CFAP20DC: variants seen among roughly 807,000 people sequenced by gnomAD.
CFAP20DC encodes the protein CFAP20 domain containing, also known as protein CFAP20DC.
A neutral mutation model predicts 101.7 loss-of-function variants in CFAP20DC; 84 were observed. The observed-to-expected ratio is 0.83, with a 90% CI of 0.69 to 0.99. CFAP20DC has a LOEUF of 0.99. CFAP20DC is among the 50% of genes least tolerant of loss of function. The pLI is 0.00. For missense variants in CFAP20DC, 1,007 were observed against 970.3 expected, an observed-to-expected ratio of 1.04 and a Z score of -0.50; for synonymous variants, 359 against 351.2, an observed-to-expected ratio of 1.02 and a Z score of -0.25.
Position 58,742,578 on chromosome 3 carries a change from G to T in CFAP20DC, c.2333-6C>A. The T allele has an allele frequency of 6.3e-7, 1 of 1,594,284 alleles. No homozygotes were observed. Among genetic ancestry groups the T allele is most frequent in the South Asian group, 1.1e-5 (1 of 87,522 alleles). On this transcript the variant is annotated splice_region_variant and splice_polypyrimidine_tract_variant and intron_variant, in intron 16 of 16. Coordinates refer to ENST00000482387, the MANE Select transcript of CFAP20DC (RefSeq NM_001394063.1). Reference sequence around the variant, plus strand: ...CACACTGAGGTCTTCTTCACCTGTGGGGAAGGGGAACCACAGACACATTAG... The same window carrying T: ...CACACTGAGGTCTTCTTCACCTGTGTGGAAGGGGAACCACAGACACATTAG...
chr3:58,855,551 C>T (rs1354448264), intron 12 of CFAP20DC, among the ~76,000 whole-genome samples: 1 of 152,018 alleles, frequency 6.6e-6, no homozygotes, highest in African/African-American at 2.4e-5. Flanking sequence ...TTTATTGCGG[C>T]ATTATTCACA....
At chr3:58,840,604 C>T (rs894397343) in intron 13 of CFAP20DC, among the ~76,000 whole-genome samples, 2 of 152,174 alleles carry the variant, frequency 1.3e-5, no homozygotes, top group African/African-American at 2.4e-5. Flanking sequence ...GCAGGAAGCA[C>T]ACAACCACAG....
intron 5 of CFAP20DC, among the ~76,000 whole-genome samples, chr3:58,922,257 A>G (rs910111563): frequency 6.6e-6 from 1 of 152,114 alleles, no homozygotes; most frequent in South Asian, 2.1e-4. Flanking sequence ...AATTTGTCCC[A>G]TCTGTTCTTT....
At chr3:59,018,484 A>T (rs2093734777) in intron 4 of CFAP20DC, 3 of 152,146 alleles carry the variant, frequency 2.0e-5, no homozygotes, top group Admixed American at 2.0e-4. Flanking sequence ...AGCTGTAAAC[A>T]TCATAAGCCT....
Position 58,864,010 on chromosome 3 carries a change from T to G in CFAP20DC, c.1259-118A>C. The G allele has an allele frequency of 2.0e-6, 2 of 987,890 alleles. No homozygotes were observed. The highest frequency in any genetic ancestry group is 2.9e-6 in the Non-Finnish European group (2 of 697,288). The allele number at this position is 987,890 out of a possible 1,614,324, so 61.2% of individuals were successfully genotyped here. A position where few individuals can be genotyped will look rare whatever the true frequency, so the allele number is the denominator to read the frequency against. On this transcript the variant is annotated intron_variant, in intron 11 of 16. Coordinates refer to ENST00000482387, the MANE Select transcript of CFAP20DC (RefSeq NM_001394063.1). The surrounding 1 kb of genome is among the most constrained non-coding windows in gnomAD (Gnocchi z 4.7). ...TCTCACTCTGCCGCCTAGGCTGCAGTGCAGTCACGCGATCTCGGCTCACTG... is the reference window on the plus strand; with the variant it reads ...TCTCACTCTGCCGCCTAGGCTGCAGGGCAGTCACGCGATCTCGGCTCACTG...
chr3:58,882,452 G>A lies in CFAP20DC; in HGVS notation c.715+2093C>T, dbSNP rs962084307. On this transcript the variant is annotated intron_variant, in intron 7 of 16. Transcript: ENST00000482387. The surrounding 1 kb of genome is among the most constrained non-coding windows in gnomAD (Gnocchi z 4.2). ...AATTAATTCTTAAAACATTAAGCTA[G>A]AGAATAAAAGCATTTACAATGGCAA... 1.3e-5 allele frequency among the ~76,000 whole-genome samples: 2 copies of A among 152,060 alleles called. No individual in the cohort carries two copies. The highest frequency in any genetic ancestry group is 6.6e-5 in the Admixed American group (1 of 15,258).
chr3:58,769,980 GA>G (rs2070695052), intron 15 of CFAP20DC, among the ~76,000 whole-genome samples: 1 of 152,156 alleles, frequency 6.6e-6, no homozygotes, highest in South Asian at 2.1e-4. Context: ...AGTGCTCTAA[GA>G]AACCACAAGC....
Position 58,963,190 on chromosome 3 carries a change from TTGTGTGTGTGTGTGTGTG to T in CFAP20DC, c.279-25446_279-25429del, listed in dbSNP as rs56234919. 2.4e-3 allele frequency among the ~76,000 whole-genome samples: 285 copies of T among 118,302 alleles called. 2 individuals are homozygous for T. Among genetic ancestry groups the T allele is most frequent in the African/African-American group, 7.3e-3 (243 of 33,080 alleles). 77.6% of individuals were successfully genotyped at this position (118,302 alleles called of 152,430 possible). On this transcript the variant is annotated intron_variant, in intron 4 of 16. Transcript: ENST00000482387. ...ATACTTCTTCTCAAGGTTCAGTAGT[TTGTGTGTGTGTGTGTGTG>T]TGTGTGTGTGTGTGTGTGTGTGTGT...
chr3:59,012,972 A>T (rs1576710432), intron 4 of CFAP20DC, among the ~76,000 whole-genome samples: 1 of 152,340 alleles, frequency 6.6e-6, no homozygotes, highest in African/African-American at 2.4e-5. Flanking sequence ...TCTAAAGTAG[A>T]CACTGTTTTA....
At chr3:58,736,133 T>C (rs2067749478) in intron 3 of CFAP20DC, among the ~76,000 whole-genome samples, 1 of 152,042 alleles carries the variant, frequency 6.6e-6, no homozygotes, top group Non-Finnish European at 1.5e-5. Context: ...TACATAGATA[T>C]CAAAAGTCAA....
intron 4 of CFAP20DC, among the ~76,000 whole-genome samples, chr3:58,967,106 T>C (rs2091609328): frequency 6.6e-6 from 1 of 152,182 alleles, no homozygotes; most frequent in South Asian, 2.1e-4. Context: ...ATTTAAAACT[T>C]ATCACAAAGC....
intron 6 of CFAP20DC, chr3:58,887,542 T>C (rs1289421523): frequency 6.6e-6 from 1 of 152,180 alleles, no homozygotes; most frequent in Non-Finnish European, 1.5e-5. Context: ...AAAACTTGAA[T>C]TTACAACTAA....
Position 59,013,303 on chromosome 3 carries a change from T to C in CFAP20DC, c.278+26254A>G, listed in dbSNP as rs561660295. Among the ~76,000 whole-genome samples the C allele has an allele frequency of 3.5e-4, 53 of 152,280 alleles. No individual in the cohort carries two copies. In the South Asian group the frequency reaches 9.7e-3, roughly 28 times the overall value. On this transcript the variant is annotated intron_variant, in intron 4 of 16. Transcript: ENST00000482387. ...AGCGTTTGTCACAGGAAGTAACTTATAATCTTGTCCAACTTTTATGTTAGA... is the reference window on the plus strand; with the variant it reads ...AGCGTTTGTCACAGGAAGTAACTTACAATCTTGTCCAACTTTTATGTTAGA...
At chr3:58,941,737 T>G (rs1421840433) in intron 4 of CFAP20DC, among the ~76,000 whole-genome samples, 5 of 151,984 alleles carry the variant, frequency 3.3e-5, no homozygotes, top group African/African-American at 1.2e-4. Context: ...CTCGGCTAAT[T>G]TTTTGTATTT....
At chr3:58,849,008 G>A in intron 13 of CFAP20DC, 24 bp downstream of exon 13, 1 of 1,529,582 alleles carries the variant, frequency 6.5e-7, no homozygotes, top group Non-Finnish European at 8.7e-7. Flanking sequence ...GCCGGCATCT[G>A]TAAACCACAC....
At chr3:58,900,349 G>C (rs2083045193) in intron 6 of CFAP20DC, among the ~76,000 whole-genome samples, 1 of 152,184 alleles carries the variant, frequency 6.6e-6, no homozygotes, top group Non-Finnish European at 1.5e-5. Flanking sequence ...AAATGCAGCT[G>C]CCACGTCTTC....
intron 4 of CFAP20DC, chr3:59,018,498 G>C (rs2093735118): frequency 6.6e-6 from 1 of 152,074 alleles, no homozygotes; most frequent in Non-Finnish European, 1.5e-5. Flanking sequence ...TAAGCCTCCT[G>C]ATAAACTGCA....
At chr3:58,745,573 T>C (rs1035327726) in intron 16 of CFAP20DC, among the ~76,000 whole-genome samples, 2 of 152,148 alleles carry the variant, frequency 1.3e-5, no homozygotes, top group South Asian at 4.1e-4. Flanking sequence ...ACAATGCCTA[T>C]TTGGTAGGGT....
At position 58,863,508 on chromosome 3, in the gene CFAP20DC, C is replaced by G. The variant is rs749351790; in HGVS notation, c.1593+50G>C. The G allele has an allele frequency of 6.2e-7, 1 of 1,601,426 alleles. No homozygotes were observed. Among genetic ancestry groups the G allele is most frequent in the South Asian group, 1.1e-5 (1 of 89,668 alleles). On this transcript the variant is annotated intron_variant, in intron 12 of 16. Transcript: ENST00000482387. The surrounding 1 kb of genome is among the most constrained non-coding windows in gnomAD (Gnocchi z 5.9). ...CAACTTGTTTTAGTGCTTATTGGAG[C>G]TAAGGAAACAACTGTGCTTCAAGAC... is the stretch of plus-strand genomic sequence containing the variant.
Sources: allele counts gnomAD v4.1 joint callset (sites outside exome capture counted in the v4.1 genomes callset), GRCh38; gene constraint gnomAD v4.1.1; non-coding constraint Gnocchi (gnomAD v3.1); transcripts MANE v1.5; gene names NCBI Gene and HGNC (gene_info 2026-07-23, HGNC 2026-07-21).